CAMTA1: variants seen among roughly 807,000 people sequenced by gnomAD.
CAMTA1 encodes calmodulin binding transcription activator 1.
A neutral mutation model predicts 170.9 loss-of-function variants in CAMTA1; 27 were observed. That is an observed-to-expected ratio of 0.16 (90% CI 0.12 to 0.22). The LOEUF is 0.22. CAMTA1 is among the 10% of genes least tolerant of loss of function. The pLI is 1.00. For missense variants in CAMTA1, 1,619 were observed against 2,217.2 expected, an observed-to-expected ratio of 0.73 and a Z score of 5.42; for synonymous variants, 833 against 891.5, an observed-to-expected ratio of 0.93 and a Z score of 1.17.
chr1:7,338,886 C>G (rs1334805310), intron 5 of CAMTA1, among the ~76,000 whole-genome samples: 2 of 152,190 alleles, frequency 1.3e-5, no homozygotes, highest in Non-Finnish European at 2.9e-5. Flanking sequence ...GCTCACAGTT[C>G]CGCAGGCTGT....
intron 11 of CAMTA1, among the ~76,000 whole-genome samples, chr1:7,687,769 C>T (rs914130350): frequency 4.6e-5 from 7 of 152,282 alleles, no homozygotes; most frequent in Admixed American, 1.3e-4. Context: ...AGACAGATTC[C>T]TTCTTCATGG....
In CAMTA1 at chr1:7,190,481, T is replaced by C. The variant is rs183318993; in HGVS notation, c.303-59010T>C. Among the ~76,000 whole-genome samples, 224 of 152,300 alleles carry C rather than the reference T, an allele frequency of 1.5e-3. 1 individual carries two copies. The highest frequency in any genetic ancestry group is 1.1e-3 in the Non-Finnish European group (77 of 68,018). ...TCATGATGTAACATAAATGTACATA[T>C]AACTTTTTTAAACACACAGAAAGCT... is the stretch of plus-strand genomic sequence containing the variant. On this transcript the variant is annotated intron_variant, in intron 4 of 22. Transcript: ENST00000303635.
intron 5 of CAMTA1, among the ~76,000 whole-genome samples, chr1:7,353,933 C>T (rs965717163): frequency 2.0e-5 from 3 of 152,018 alleles, no homozygotes; most frequent in Non-Finnish European, 2.9e-5. Flanking sequence ...AAGTGGGCCC[C>T]ACTGTCTGTT....
At chr1:7,598,849 A>C (rs1286898334) in intron 6 of CAMTA1, among the ~76,000 whole-genome samples, 1 of 152,230 alleles carries the variant, frequency 6.6e-6, no homozygotes, top group Non-Finnish European at 1.5e-5. Flanking sequence ...GCCCTTTGTC[A>C]GATGAGTAGA....
chr1:7,439,345 C>T (rs777944059), intron 5 of CAMTA1, among the ~76,000 whole-genome samples: 2 of 152,200 alleles, frequency 1.3e-5, no homozygotes, highest in Non-Finnish European at 2.9e-5. Context: ...TGTCTGGAAT[C>T]GAGCCCCTCC....
At chr1:7,613,557 G>A (rs762498260) in intron 6 of CAMTA1, among the ~76,000 whole-genome samples, 1 of 152,162 alleles carries the variant, frequency 6.6e-6, no homozygotes, top group Non-Finnish European at 1.5e-5. Flanking sequence ...TTTATGGCAT[G>A]GTCCTTGCCC....
At chr1:7,465,539 G>A (rs546243940) in intron 5 of CAMTA1, among the ~76,000 whole-genome samples, 1 of 152,202 alleles carries the variant, frequency 6.6e-6, no homozygotes, top group Non-Finnish European at 1.5e-5. Flanking sequence ...TCTAAAAATG[G>A]AGTAACCGGG....
chr1:7,370,251 C>T (rs931438282), intron 5 of CAMTA1: 7 of 152,208 alleles, frequency 4.6e-5, no homozygotes, highest in African/African-American at 1.7e-4. Context: ...ACTCAGAAGT[C>T]AATTGACTTA....
chr1:7,572,315 C>T (rs1457548576), intron 6 of CAMTA1, among the ~76,000 whole-genome samples: 1 of 152,142 alleles, frequency 6.6e-6, no homozygotes, highest in African/African-American at 2.4e-5. Flanking sequence ...TGACAGTTTC[C>T]TTTGCTGCGC....
chr1:7,362,941 G>T lies in CAMTA1; in HGVS notation c.439-104889G>T, dbSNP rs746011934. Among the ~76,000 whole-genome samples the T allele has an allele frequency of 2.2e-4, 33 of 152,004 alleles. 1 individual carries two copies. Among genetic ancestry groups the T allele is most frequent in the Non-Finnish European group, 5.9e-5 (4 of 67,988 alleles). ...GTTGATGGACTTGAATAGAGCGAGT[G>T]AACTTGGGTAGAGGTGGTGGACTTG... On this transcript the variant is annotated intron_variant, in intron 5 of 22. Transcript: ENST00000303635.
rs552528230 is a variant in CAMTA1 at position 7,251,852 on chromosome 1, T to A, written c.438+2226T>A. ...CTGAGCCCTTAAAGTCGGGTGGGACTCTGTGTGTGTGTATATATGTTTGTG... is the reference window on the plus strand; with the variant it reads ...CTGAGCCCTTAAAGTCGGGTGGGACACTGTGTGTGTGTATATATGTTTGTG... On this transcript the variant is annotated intron_variant, in intron 5 of 22. Coordinates refer to ENST00000303635, the MANE Select transcript of CAMTA1 (RefSeq NM_015215.4). This position sits in a 1 kb window ranked among gnomAD's most constrained non-coding sequence, Gnocchi z 5.1. Among the ~76,000 whole-genome samples the A allele has an allele frequency of 3.9e-5, 6 of 152,086 alleles. No individual in the cohort carries two copies. The South Asian group carries it at 1.2e-3, about 32-fold the overall frequency.
chr1:7,108,805 T>G (rs2148351630), intron 4 of CAMTA1, among the ~76,000 whole-genome samples: 1 of 152,330 alleles, frequency 6.6e-6, no homozygotes, highest in African/African-American at 2.4e-5. Context: ...AAAATAACAC[T>G]TATGTATCAT....
At chr1:7,657,485 G>A (rs941268066) in intron 7 of CAMTA1, among the ~76,000 whole-genome samples, 1 of 152,166 alleles carries the variant, frequency 6.6e-6, no homozygotes, top group Non-Finnish European at 1.5e-5. Flanking sequence ...TACAAGACAT[G>A]TCATGACCTT....
chr1:6,859,322 G>T (rs1307129002), intron 3 of CAMTA1, among the ~76,000 whole-genome samples: 1 of 152,124 alleles, frequency 6.6e-6, no homozygotes, highest in Non-Finnish European at 1.5e-5. Context: ...CTGTGTGTGG[G>T]TATGTGTGTG....
chr1:7,084,945 CT>C (rs1365683566), intron 3 of CAMTA1, among the ~76,000 whole-genome samples: 1 of 152,178 alleles, frequency 6.6e-6, no homozygotes, highest in Non-Finnish European at 1.5e-5. Context: ...AAATTTTCTT[CT>C]CTTTTACCTT....
At chr1:7,651,304 G>A (rs192868325) in intron 7 of CAMTA1, among the ~76,000 whole-genome samples, 74 of 152,262 alleles carry the variant, frequency 4.9e-4, no homozygotes, top group African/African-American at 1.6e-3. Context: ...ACTGCCCCTC[G>A]TCCTTGCCAC....
chr1:7,143,353 A>T (rs904898115), intron 4 of CAMTA1, among the ~76,000 whole-genome samples: 8 of 152,240 alleles, frequency 5.3e-5, no homozygotes, highest in Admixed American at 3.9e-4. Context: ...AGTCACTGCA[A>T]GAAGCAAAAA....
intron 1 of CAMTA1, among the ~76,000 whole-genome samples, chr1:6,797,683 G>A (rs1642873783): frequency 6.6e-6 from 1 of 151,836 alleles, no homozygotes; most frequent in African/African-American, 2.4e-5. Context: ...CACCGCGCCT[G>A]TCTTGAGATG....
At chr1:6,910,846 C>T (rs1571628530) in intron 3 of CAMTA1, among the ~76,000 whole-genome samples, 1 of 152,290 alleles carries the variant, frequency 6.6e-6, no homozygotes, top group East Asian at 1.9e-4. Context: ...CTGCTAGAAC[C>T]CTGTGGCTGG....
Sources: allele counts gnomAD v4.1 joint callset (sites outside exome capture counted in the v4.1 genomes callset), GRCh38; gene constraint gnomAD v4.1.1; non-coding constraint Gnocchi (gnomAD v3.1); transcripts MANE v1.5; gene names NCBI Gene and HGNC (gene_info 2026-07-23, HGNC 2026-07-21).